The following RABGAP1L variants were observed in gnomAD, a reference collection of about 807,000 sequenced individuals.
RABGAP1L encodes the protein rab GTPase-activating protein 1-like.
In RABGAP1L, 63 loss-of-function variants were observed where a neutral mutation model predicts 137.7. The observed-to-expected ratio is 0.46, with a 90% CI of 0.37 to 0.56. RABGAP1L has a LOEUF of 0.56. Ranked by LOEUF, RABGAP1L falls within the 20% of genes least tolerant of loss-of-function variation. RABGAP1L has a pLI of 0.00. For synonymous variants in RABGAP1L, 431 were observed against 433.7 expected (o/e 0.99, Z 0.08); for missense variants, 1,095 against 1,244.0 (o/e 0.88, Z 1.80).
intron 13 of RABGAP1L, among the ~76,000 whole-genome samples, chr1:174,550,999 C>CACATATATATATATATATAT (rs1349225848): frequency 1.2e-5 from 1 of 86,372 alleles, no homozygotes. Flanking sequence ...TATATATACA[C>CACATATATATATATATATAT]ATATATATAT....
chr1:174,597,410 G>A (rs779256835), intron 13 of RABGAP1L, among the ~76,000 whole-genome samples: 12 of 152,088 alleles, frequency 7.9e-5, no homozygotes, highest in Non-Finnish European at 1.3e-4. Context: ...GGGTCTATTC[G>A]AGTTTTTAAT....
At chr1:174,265,298 G>T (rs533885323) in intron 7 of RABGAP1L, among the ~76,000 whole-genome samples, 40 of 152,142 alleles carry the variant, frequency 2.6e-4, no homozygotes, top group African/African-American at 9.4e-4. Flanking sequence ...CAAAATAATT[G>T]ATTTTAAATG....
chr1:174,199,994 A>C (rs1667986234), intron 1 of RABGAP1L, among the ~76,000 whole-genome samples: 1 of 152,228 alleles, frequency 6.6e-6, no homozygotes, highest in Non-Finnish European at 1.5e-5. Flanking sequence ...GTATTTCTTT[A>C]AAGAGAAAAT....
rs542918605 is a variant in RABGAP1L, at chr1:174,878,194, A to G, written c.2340+66234A>G. ...CTTAGATGTCATCATTATAATGGCT[A>G]TTGAGTTTAAGATATCAACGATCTA... On this transcript the variant is annotated intron_variant, in intron 19 of 25. Coordinates refer to ENST00000681986, the MANE Select transcript of RABGAP1L (RefSeq NM_001366446.1). Among the ~76,000 whole-genome samples, 112 of 152,224 alleles carry G rather than the reference A, an allele frequency of 7.4e-4. 2 individuals are homozygous for G. The South Asian group carries it at 0.023, about 31-fold the overall frequency.
At chr1:174,921,283 T>G (rs1479133417) in intron 19 of RABGAP1L, among the ~76,000 whole-genome samples, 1 of 152,230 alleles carries the variant, frequency 6.6e-6, no homozygotes, top group Non-Finnish European at 1.5e-5. Context: ...AATAGCACAT[T>G]ACTAATGTGC....
chr1:174,677,215 G>A (rs1677704531), intron 14 of RABGAP1L, among the ~76,000 whole-genome samples: 1 of 151,650 alleles, frequency 6.6e-6, no homozygotes, highest in Non-Finnish European at 1.5e-5. Context: ...CCAGCTATTT[G>A]GGAGGCTAAG....
intron 14 of RABGAP1L, among the ~76,000 whole-genome samples, chr1:174,638,599 C>A (rs918875567): frequency 6.7e-6 from 1 of 148,378 alleles, no homozygotes; most frequent in African/African-American, 2.5e-5. Context: ...ATGTTTATTG[C>A]GGCATTATTC....
chr1:174,264,193 A>G (rs1362752031), intron 7 of RABGAP1L, among the ~76,000 whole-genome samples: 3 of 151,960 alleles, frequency 2.0e-5, no homozygotes, highest in Non-Finnish European at 4.4e-5. Flanking sequence ...AAATTTACTC[A>G]TTCTTTTTAT....
intron 1 of RABGAP1L, among the ~76,000 whole-genome samples, chr1:174,204,630 A>G (rs1668372057): frequency 2.0e-5 from 3 of 152,176 alleles, no homozygotes; most frequent in Admixed American, 2.0e-4. Context: ...ATTTTACCAG[A>G]GGCCTTGATA....
At chr1:174,656,884 C>A (rs1331215121) in intron 14 of RABGAP1L, among the ~76,000 whole-genome samples, 1 of 152,186 alleles carries the variant, frequency 6.6e-6, no homozygotes, top group Non-Finnish European at 1.5e-5. Context: ...GTTTGTATTA[C>A]TCAACCATTC....
At chr1:174,449,680 TCA>T (rs1241708883) in intron 13 of RABGAP1L, among the ~76,000 whole-genome samples, 5 of 152,240 alleles carry the variant, frequency 3.3e-5, no homozygotes, top group Admixed American at 6.5e-5. Context: ...GTACCTTTAA[TCA>T]CACTAATCTA....
chr1:174,847,243 G>A (rs1347817029), intron 19 of RABGAP1L, among the ~76,000 whole-genome samples: 1 of 151,634 alleles, frequency 6.6e-6, no homozygotes, highest in African/African-American at 2.4e-5. Context: ...AGTTAATATT[G>A]TTATGTGTGA....
chr1:174,471,867 G>A (rs1374134216), intron 13 of RABGAP1L, among the ~76,000 whole-genome samples: 1 of 152,134 alleles, frequency 6.6e-6, no homozygotes, highest in East Asian at 1.9e-4. Context: ...TTGAAAACAG[G>A]GTCTGTGAGG....
chr1:174,228,725 C>A (rs543694874), intron 3 of RABGAP1L, among the ~76,000 whole-genome samples: 37 of 152,166 alleles, frequency 2.4e-4, no homozygotes, highest in African/African-American at 8.4e-4. Context: ...TATTTAGGAG[C>A]TGCAGTTGGG....
intron 13 of RABGAP1L, among the ~76,000 whole-genome samples, chr1:174,420,198 CCT>C (rs1491589288): frequency 7.9e-6 from 1 of 127,234 alleles, no homozygotes; most frequent in African/African-American, 3.9e-5. Flanking sequence ...GGCCCAACCT[CCT>C]TTTTTTTTTT....
chr1:174,351,714 C>T (rs535648425), intron 11 of RABGAP1L, among the ~76,000 whole-genome samples: 1 of 152,204 alleles, frequency 6.6e-6, no homozygotes, highest in African/African-American at 2.4e-5. Context: ...TGAGTTAAAT[C>T]TGCTTGGTGT....
At chr1:174,570,454 G>A (rs747741801) in intron 13 of RABGAP1L, among the ~76,000 whole-genome samples, 4 of 152,078 alleles carry the variant, frequency 2.6e-5, no homozygotes, top group Non-Finnish European at 4.4e-5. Context: ...CTTATAAGTC[G>A]GAGCTAAACA....
intron 19 of RABGAP1L, among the ~76,000 whole-genome samples, chr1:174,873,138 G>A (rs749277587): frequency 2.1e-4 from 32 of 151,854 alleles, no homozygotes; most frequent in Non-Finnish European, 3.7e-4. Context: ...GTGCAATCTC[G>A]GCTCACTGCA....
chr1:174,438,898 T>A (rs940219350), intron 13 of RABGAP1L, among the ~76,000 whole-genome samples: 1 of 151,468 alleles, frequency 6.6e-6, no homozygotes, highest in Non-Finnish European at 1.5e-5. Flanking sequence ...AAATTTTGTT[T>A]CCTACTGTTT....
Sources: allele counts gnomAD v4.1 joint callset (sites outside exome capture counted in the v4.1 genomes callset), GRCh38; gene constraint gnomAD v4.1.1; transcripts MANE v1.5; gene names NCBI Gene and HGNC (gene_info 2026-07-23, HGNC 2026-07-21).